ARFGAP3: variants seen among roughly 807,000 people sequenced by gnomAD.
The protein encoded by ARFGAP3 is ARF GTPase activating protein 3, also known as ADP-ribosylation factor GTPase-activating protein 3.
In ARFGAP3, 72 loss-of-function variants were observed where a neutral mutation model predicts 75.0. The observed-to-expected ratio is 0.96, with a 90% CI of 0.79 to 1.17. The LOEUF (loss-of-function observed/expected upper bound fraction) is 1.17, where lower values mean the gene tolerates loss of function less well. Ranked by LOEUF, ARFGAP3 falls within the 50% of genes most tolerant of loss-of-function variation. The pLI is 0.00. For missense variants in ARFGAP3, 620 were observed against 626.6 expected, an observed-to-expected ratio of 0.99 and a Z score of 0.11; for synonymous variants, 221 against 217.9, an observed-to-expected ratio of 1.01 and a Z score of -0.13.
intron 3 of ARFGAP3, among the ~76,000 whole-genome samples, chr22:42,840,681 AG>A (rs1213835257): frequency 6.6e-6 from 1 of 152,034 alleles, no homozygotes. Flanking sequence ...CGCCCGCCTC[AG>A]CCTCCCAAAG....
chr22:42,854,428 C>T (rs1351593181), intron 1 of ARFGAP3, among the ~76,000 whole-genome samples: 1 of 152,132 alleles, frequency 6.6e-6, no homozygotes, highest in Non-Finnish European at 1.5e-5. Context: ...AGTTTGAGAC[C>T]AGCCTGGCCA....
intron 1 of ARFGAP3, among the ~76,000 whole-genome samples, chr22:42,850,004 A>G (rs1927203285): frequency 6.6e-6 from 1 of 152,162 alleles, no homozygotes; most frequent in Non-Finnish European, 1.5e-5. Flanking sequence ...TTCAGTAAAT[A>G]TTTGTTACTC....
chr22:42,822,073 C>T (rs538921527), intron 9 of ARFGAP3, among the ~76,000 whole-genome samples, 197 bp downstream of exon 9: 1 of 152,294 alleles, frequency 6.6e-6, no homozygotes, highest in Non-Finnish European at 1.5e-5. Flanking sequence ...CTTACAGCCT[C>T]AGCAGAGTGT....
At chr22:42,829,425 C>G (rs1440448304) in intron 6 of ARFGAP3, among the ~76,000 whole-genome samples, 1 of 152,140 alleles carries the variant, frequency 6.6e-6, no homozygotes, top group Admixed American at 6.5e-5. Flanking sequence ...GAAAAACACC[C>G]AAGGGCAAAT....
At position 42,841,032 on chromosome 22, in the gene ARFGAP3, A is replaced by G; in HGVS notation, c.189-16T>C. 1 of 1,611,508 alleles carries G rather than the reference A, an allele frequency of 6.2e-7. No homozygotes were observed. The highest frequency in any genetic ancestry group is 1.7e-4 in the Middle Eastern group (1 of 6,044). On this transcript the variant is annotated splice_polypyrimidine_tract_variant and intron_variant, in intron 2 of 15. Coordinates refer to ENST00000263245, the MANE Select transcript of ARFGAP3 (RefSeq NM_014570.5). Reference sequence around the variant, plus strand: ...CTCTGTAGATCTAAATGGAAAGAATATTACTAACTGTTAATATTTTTTATC... The same window carrying G: ...CTCTGTAGATCTAAATGGAAAGAATGTTACTAACTGTTAATATTTTTTATC...
intron 13 of ARFGAP3, 69 bp downstream of exon 13, chr22:42,808,698 C>G (rs1318262500): frequency 7.4e-7 from 1 of 1,349,016 alleles, no homozygotes; most frequent in Non-Finnish European, 1.0e-6. Flanking sequence ...ATCTCCTCCC[C>G]GACAATGCCC....
chr22:42,835,257 G>T lies in ARFGAP3; in HGVS notation c.393+105C>A, dbSNP rs1329054204. ...AGAATCTACTGTACACTAATTCCTTGTAAGACAACTCAGGTAGAAAAGTTT... is the reference window on the plus strand; with the variant it reads ...AGAATCTACTGTACACTAATTCCTTTTAAGACAACTCAGGTAGAAAAGTTT... On this transcript the variant is annotated intron_variant, in intron 4 of 15. Transcript: ENST00000263245. 22 of 1,345,864 alleles carry T rather than the reference G, an allele frequency of 1.6e-5. No individual in the cohort carries two copies. The South Asian group carries it at 2.2e-4, about 14-fold the overall frequency. The allele number at this position is 1,345,864 out of a possible 1,614,324, so 83.4% of individuals were successfully genotyped here.
intron 14 of ARFGAP3, among the ~76,000 whole-genome samples, chr22:42,804,124 G>C (rs527908182): frequency 6.6e-6 from 1 of 151,628 alleles, no homozygotes; most frequent in Non-Finnish European, 1.5e-5. Flanking sequence ...GGCTGGTCTG[G>C]AACTCCTGAG....
At chr22:42,842,597 C>G (rs1378964126) in intron 2 of ARFGAP3, among the ~76,000 whole-genome samples, 1 of 151,760 alleles carries the variant, frequency 6.6e-6, no homozygotes, top group Non-Finnish European at 1.5e-5. Context: ...TAGAGGCGTG[C>G]GGAACCACAC....
intron 14 of ARFGAP3, among the ~76,000 whole-genome samples, chr22:42,805,812 T>C (rs1925094080): frequency 6.6e-6 from 1 of 152,210 alleles, no homozygotes; most frequent in Non-Finnish European, 1.5e-5. Flanking sequence ...TTGTCCACTC[T>C]GGCCCTGGCC....
chr22:42,834,745 A>C (rs1054000420), intron 4 of ARFGAP3, among the ~76,000 whole-genome samples: 2 of 152,236 alleles, frequency 1.3e-5, no homozygotes, highest in Admixed American at 6.5e-5. Flanking sequence ...GAGTTGCCCA[A>C]GAAGCACATT....
intron 3 of ARFGAP3, among the ~76,000 whole-genome samples, chr22:42,837,208 T>A (rs1353900280): frequency 6.6e-6 from 1 of 152,192 alleles, no homozygotes; most frequent in Non-Finnish European, 1.5e-5. Context: ...ATGCCTGTAA[T>A]CCTAGCACTT....
intron 1 of ARFGAP3, among the ~76,000 whole-genome samples, chr22:42,856,016 G>C (rs1927480981): frequency 6.6e-6 from 1 of 152,134 alleles, no homozygotes; most frequent in Non-Finnish European, 1.5e-5. Flanking sequence ...ACTTCAGCCT[G>C]GGTGACGGGG....
At chr22:42,810,736 T>G in intron 12 of ARFGAP3, 77 bp downstream of exon 12, 2 of 1,306,574 alleles carry the variant, frequency 1.5e-6, no homozygotes, top group Non-Finnish European at 1.1e-6. Context: ...AGGGTTTTCA[T>G]GTCATCATGT....
At position 42,797,765 on chromosome 22, in the gene ARFGAP3, T is replaced by C. The variant is rs575775639; in HGVS notation, c.1534-160A>G. ...GGGTGTGCTCATCTGGAAGCAGCCA[T>C]TGCTGCAGCTTCAAGGCTGAGGGTA... On this transcript the variant is annotated intron_variant, in intron 15 of 15. Transcript: ENST00000263245. The C allele has an allele frequency of 1.1e-5, 11 of 984,892 alleles. No individual in the cohort carries two copies. The African/African-American group carries it at 1.7e-4, about 16-fold the overall frequency. 61.0% of individuals were successfully genotyped at this position (984,892 alleles called of 1,614,324 possible).
intron 12 of ARFGAP3, among the ~76,000 whole-genome samples, chr22:42,809,592 G>A (rs995846039): frequency 6.6e-6 from 1 of 152,052 alleles, no homozygotes; most frequent in African/African-American, 2.4e-5. Flanking sequence ...GAAAATTTGG[G>A]GGTGATGGGA....
chr22:42,823,869 T>G, intron 7 of ARFGAP3, 167 bp from the exon 8 acceptor site: 5 of 578,114 alleles, frequency 8.6e-6, no homozygotes, highest in Non-Finnish European at 1.1e-5. Flanking sequence ...TATTTTGGAT[T>G]AACAGAACTT....
rs1309328452 is a variant in ARFGAP3 at position 42,847,557 on chromosome 22, A to G, written c.145T>C (p.Ser49Pro). The change falls in exon 2 of 16, where the codon TCA becomes CCA. Residue 49 changes from serine (S) to proline (P), a missense_variant. Transcript: ENST00000263245. ...TYGVFLCIDC[S>P]GSHRSLGVHL... is the part of the protein sequence containing the mutation. ...ACACCAAGTGACCGGTGGGACCCTG[A>G]GCAATCAATGCAAAGGAACACTCCA... 2 of 1,614,008 alleles carry G rather than the reference A, an allele frequency of 1.2e-6. No homozygotes were observed. The highest frequency in any genetic ancestry group is 1.7e-5 in the Admixed American group (1 of 60,002).
At chr22:42,810,115 T>C (rs931177317) in intron 12 of ARFGAP3, among the ~76,000 whole-genome samples, 1 of 152,030 alleles carries the variant, frequency 6.6e-6, no homozygotes, top group Non-Finnish European at 1.5e-5. Context: ...CACACACACA[T>C]TTCTTTCAAG....
Sources: gnomAD v4.1 joint callset for allele counts (sites outside exome capture counted in the v4.1 genomes callset) on GRCh38, gnomAD v4.1.1 for gene constraint, MANE v1.5 for transcripts, NCBI Gene and HGNC (gene_info 2026-07-23, HGNC 2026-07-21) for gene names.